Variants in BRSK2 observed in about 807,000 individuals in gnomAD.
BRSK2 encodes the protein BR serine/threonine kinase 2, also known as serine/threonine-protein kinase BRSK2.
BRSK2 carries 19 observed loss-of-function variants against 83.3 expected under a neutral mutation model. That is an observed-to-expected ratio of 0.23 (90% CI 0.16 to 0.33). The LOEUF is 0.33. Ranked by LOEUF, BRSK2 falls within the 10% of genes least tolerant of loss-of-function variation. BRSK2 has a pLI of 1.00. For synonymous variants in BRSK2, 519 were observed against 435.4 expected (o/e 1.19, Z -2.39); for missense variants, 798 against 1,042.3 (o/e 0.77, Z 3.23).
chr11:1,443,973 C>T (rs1851690328), intron 8 of BRSK2, among the ~76,000 whole-genome samples: 1 of 151,974 alleles, frequency 6.6e-6, no homozygotes, highest in African/African-American at 2.4e-5. Flanking sequence ...TGTGGGGGTA[C>T]CCAGGCACAT....
At chr11:1,442,311 CG>C in intron 4 of BRSK2, 178 bp from the exon 5 acceptor site, 1 of 550,292 alleles carries the variant, frequency 1.8e-6, no homozygotes, top group Non-Finnish European at 3.4e-6. Flanking sequence ...CAGAGCCAAA[CG>C]GACCAGGCAG....
At chr11:1,440,668 C>T in intron 3 of BRSK2, 120 bp from the exon 4 acceptor site, 2 of 1,324,508 alleles carry the variant, frequency 1.5e-6, no homozygotes, top group African/African-American at 2.9e-5. Context: ...CCCCAGCCAG[C>T]AAGAGGATGG....
chr11:1,449,922 C>T (rs578123266), intron 13 of BRSK2, 86 bp downstream of exon 13: 399 of 1,079,466 alleles, frequency 3.7e-4, no homozygotes, highest in African/African-American at 1.1e-3. Context: ...GGGGCAGCCT[C>T]GCGGACCCTG....
rs150058657 is a variant in BRSK2 at position 1,410,704 on chromosome 11, C to T, written c.91+20329C>T. The stretch of plus-strand genomic sequence containing the variant: ...CCTGACGCCCACCCTCAGGAGCCCC[C>T]GCCTGCCTAGGGTGGGACCATGGGG... On this transcript the variant is annotated intron_variant, in intron 1 of 19. Coordinates refer to ENST00000528841, the MANE Select transcript of BRSK2 (RefSeq NM_001256627.2). 326 of 985,420 alleles carry T rather than the reference C, an allele frequency of 3.3e-4. 1 individual carries two copies. In the African/African-American group the frequency reaches 5.2e-3, roughly 16 times the overall value. 61.0% of individuals were successfully genotyped at this position (985,420 alleles called of 1,614,324 possible). A position where few individuals can be genotyped will look rare whatever the true frequency, so the allele number is the denominator to read the frequency against.
rs1846196953 is a variant in BRSK2 at position 1,454,256 on chromosome 11, AAAGGTT to A, written c.1545-227_1545-222del. The A allele has an allele frequency of 4.1e-5, 19 of 465,712 alleles. 1 individual carries two copies. The South Asian group carries it at 4.5e-4, about 11-fold the overall frequency. 28.8% of individuals were successfully genotyped at this position (465,712 alleles called of 1,614,324 possible). A position where few individuals can be genotyped will look rare whatever the true frequency, so the allele number is the denominator to read the frequency against. On this transcript the variant is annotated intron_variant, in intron 15 of 19. Transcript: ENST00000528841. This position sits in a 1 kb window ranked among gnomAD's most constrained non-coding sequence, Gnocchi z 5.2. ...AGGGTCAGGGCGTTAGGGCTTGGAGAAAGGTTAGGGTTGGGGTTGGGGTTAGAGCCA... is the reference window on the plus strand; with the variant it reads ...AGGGTCAGGGCGTTAGGGCTTGGAGAAGGGTTGGGGTTGGGGTTAGAGCCA...
intron 8 of BRSK2, 38 bp downstream of exon 8, chr11:1,443,673 CG>C (rs56896587): frequency 0.79 from 1,186,796 of 1,508,010 alleles, 472,717 homozygotes; most frequent in African/African-American, 0.96. Flanking sequence ...CAGAGCGTGG[CG>C]GGGGGGCGCG....
rs1175245241 is a variant in BRSK2, at chr11:1,438,161, G to T, written c.187-145G>T. 6 of 556,192 alleles carry T rather than the reference G, an allele frequency of 1.1e-5. No homozygotes were observed. Among genetic ancestry groups the T allele is most frequent in the Non-Finnish European group, 1.9e-5 (6 of 321,334 alleles). 34.5% of individuals were successfully genotyped at this position (556,192 alleles called of 1,614,324 possible). A position where few individuals can be genotyped will look rare whatever the true frequency, so the allele number is the denominator to read the frequency against. ...ACCAAAGGCCCCTGCGTCCCCCACA[G>T]CTGGCACCAAAGGCCCCTGCGACCC... is the stretch of plus-strand genomic sequence containing the variant. On this transcript the variant is annotated intron_variant, in intron 2 of 19. Transcript: ENST00000528841. The surrounding 1 kb of genome is among the most constrained non-coding windows in gnomAD (Gnocchi z 6.4).
intron 1 of BRSK2, among the ~76,000 whole-genome samples, chr11:1,394,355 T>C (rs930260514): frequency 9.1e-4 from 53 of 57,998 alleles, no homozygotes; most frequent in Middle Eastern, 0.015. Context: ...TGGAGATGGG[T>C]CCTGGAGATG....
Position 1,456,500 on chromosome 11 carries a change from C to T in BRSK2, c.1821C>T (p.Ile607=). 1.3e-6 allele frequency: 2 copies of T among 1,577,362 alleles called. No homozygotes were observed. Among genetic ancestry groups the T allele is most frequent in the South Asian group, 2.3e-5 (2 of 85,892 alleles). The change falls in exon 17 of 20, where the codon ATC becomes ATT. Residue 607 remains isoleucine (I), a synonymous_variant. Transcript: ENST00000528841. ...EGGEAQKENG[I]YSVTFTLLSG... is the part of the protein sequence containing the mutation. ...GGGAGGCGCAGAAGGAGAACGGCAT[C>T]TACTCCGTCACCTTCACCCTGCTCT... is the stretch of plus-strand genomic sequence containing the variant.
intron 19 of BRSK2, among the ~76,000 whole-genome samples, 172 bp from the exon 20 acceptor site, chr11:1,460,328 C>T (rs980411354): frequency 6.6e-6 from 1 of 152,096 alleles, no homozygotes; most frequent in African/African-American, 2.4e-5. Context: ...CCACCGGTCC[C>T]CGCTCGGCCC....
In BRSK2 at chr11:1,445,655, C is replaced by G. The variant is rs770740736; in HGVS notation, c.1062C>G (p.Pro354=). ...GCCAGGAGGATGAGGACCTGCCCCC[C>G]CGGAACGAGATAGGTATGGGTCCAG... ...YPSQEDEDLP[P]RNEIDPPRKR... The change falls in exon 11 of 20, where the codon CCC becomes CCG. Residue 354 remains proline, a synonymous_variant. Coordinates refer to ENST00000528841, the MANE Select transcript of BRSK2 (RefSeq NM_001256627.2). 1 of 1,597,600 alleles carries G rather than the reference C, an allele frequency of 6.3e-7. No homozygotes were observed. Among genetic ancestry groups the G allele is most frequent in the East Asian group, 2.3e-5 (1 of 43,782 alleles).
intron 1 of BRSK2, chr11:1,410,408 G>T (rs1293993169): frequency 2.0e-6 from 2 of 978,704 alleles, no homozygotes; most frequent in African/African-American, 3.6e-5. Flanking sequence ...TTGTGACGTC[G>T]GCCTCGCAGA....
chr11:1,459,094 C>G, intron 18 of BRSK2, 98 bp from the exon 19 acceptor site: 1 of 1,255,732 alleles, frequency 8.0e-7, no homozygotes, highest in East Asian at 2.5e-5. Context: ...CCACTCCTGG[C>G]TCCACCCCCT....
intron 1 of BRSK2, chr11:1,410,679 C>T: frequency 1.0e-6 from 1 of 985,446 alleles, no homozygotes; most frequent in Non-Finnish European, 1.2e-6. Context: ...GTCAGCACTG[C>T]CTGACGCCCA....
chr11:1,443,678 G>A, intron 8 of BRSK2, 43 bp downstream of exon 8: 1 of 1,506,358 alleles, frequency 6.6e-7, no homozygotes, highest in Non-Finnish European at 8.8e-7. Flanking sequence ...CGTGGCGGGG[G>A]GGCGCGGGGG....
chr11:1,435,169 A>C (rs1447531499), intron 1 of BRSK2, among the ~76,000 whole-genome samples: 1 of 149,618 alleles, frequency 6.7e-6, no homozygotes, highest in Non-Finnish European at 1.5e-5. Context: ...TCCTGGGGTG[A>C]ACACAGGGCC....
intron 7 of BRSK2, 31 bp downstream of exon 7, chr11:1,443,434 G>C: frequency 1.3e-6 from 2 of 1,584,306 alleles, no homozygotes; most frequent in Non-Finnish European, 1.7e-6. Flanking sequence ...ACCCTGCCCT[G>C]GCCTCTCCCC....
chr11:1,443,944 C>G (rs917654989), intron 8 of BRSK2, among the ~76,000 whole-genome samples: 8 of 152,014 alleles, frequency 5.3e-5, no homozygotes, highest in Non-Finnish European at 1.2e-4. Context: ...AGGCACATGC[C>G]CAGGTGTGTG....
At chr11:1,413,959 C>T (rs925654235) in intron 1 of BRSK2, among the ~76,000 whole-genome samples, 4 of 152,270 alleles carry the variant, frequency 2.6e-5, no homozygotes, top group Non-Finnish European at 5.9e-5. Flanking sequence ...ACTGGACACA[C>T]AGCGCCAGCC....
Sources: allele counts gnomAD v4.1 joint callset (sites outside exome capture counted in the v4.1 genomes callset), GRCh38; gene constraint gnomAD v4.1.1; non-coding constraint Gnocchi (gnomAD v3.1); transcripts MANE v1.5; gene names NCBI Gene and HGNC (gene_info 2026-07-23, HGNC 2026-07-21).